The following TMTC4 variants were observed in gnomAD, a reference collection of about 807,000 sequenced individuals.
TMTC4 encodes the protein transmembrane O-mannosyltransferase targeting cadherins 4.
In TMTC4, 65 loss-of-function variants were observed where a neutral mutation model predicts 86.0. The ratio of observed to expected loss-of-function variants is 0.76; its 90% CI spans 0.62 to 0.93. The LOEUF is 0.93. Among genes scored for constraint, TMTC4 ranks in the 40% least tolerant of loss-of-function variants. The pLI is 0.00. For missense variants in TMTC4, 866 were observed against 948.1 expected (o/e 0.91, Z 1.14); for synonymous variants, 379 against 382.5 (o/e 0.99, Z 0.11).
At chr13:100,638,541 T>A (rs1378147829) in intron 7 of TMTC4, 2 of 152,276 alleles carry the variant, frequency 1.3e-5, no homozygotes, top group African/African-American at 4.8e-5. Flanking sequence ...GCTCTGGAGA[T>A]CTCTTGTGCA....
At chr13:100,619,466 G>A (rs1006633167) in intron 15 of TMTC4, among the ~76,000 whole-genome samples, 3 of 151,926 alleles carry the variant, frequency 2.0e-5, no homozygotes, top group Non-Finnish European at 4.4e-5. Flanking sequence ...CTTTAACTCT[G>A]CAAAAAGTAC....
intron 3 of TMTC4, among the ~76,000 whole-genome samples, chr13:100,666,374 C>T (rs1046075535): frequency 6.6e-6 from 1 of 152,138 alleles, no homozygotes; most frequent in African/African-American, 2.4e-5. Context: ...GGAGGGCTAG[C>T]AAGTTAACAA....
At chr13:100,661,149 A>G (rs1055203324) in intron 5 of TMTC4, among the ~76,000 whole-genome samples, 1 of 152,204 alleles carries the variant, frequency 6.6e-6, no homozygotes, top group African/African-American at 2.4e-5. Context: ...GGAAGAGAGA[A>G]AGAGGTTTTT....
At chr13:100,613,234 C>T (rs1877921324) in intron 16 of TMTC4, among the ~76,000 whole-genome samples, 1 of 152,126 alleles carries the variant, frequency 6.6e-6, no homozygotes, top group African/African-American at 2.4e-5. Context: ...TATCTTTATC[C>T]CCGCCCCCTT....
chr13:100,643,792 C>T (rs1257493851), intron 6 of TMTC4, among the ~76,000 whole-genome samples: 2 of 152,120 alleles, frequency 1.3e-5, no homozygotes, highest in African/African-American at 4.8e-5. Flanking sequence ...TCAGCCAAAC[C>T]TGGTCAGCTT....
At position 100,639,364 on chromosome 13, in the gene TMTC4, G is replaced by A. The variant is rs557040275; in HGVS notation, c.742-1342C>T. Among the ~76,000 whole-genome samples the A allele has an allele frequency of 4.6e-5, 7 of 152,326 alleles. No homozygotes were observed. The South Asian group carries it at 1.4e-3, about 32-fold the overall frequency. On this transcript the variant is annotated intron_variant, in intron 7 of 18. Coordinates refer to ENST00000342624, the MANE Select transcript of TMTC4 (RefSeq NM_032813.5). ...TGAGACATGATCTTAGTGGGTCACA[G>A]AAGACCGTTTCTGCCTGGTTGAAAA...
chr13:100,637,444 C>T (rs1478341791), intron 9 of TMTC4, 94 bp downstream of exon 9: 31 of 1,459,242 alleles, frequency 2.1e-5, no homozygotes, highest in South Asian at 5.5e-5. Context: ...ATTTTGTTGG[C>T]GTGCAGAGGA....
intron 15 of TMTC4, among the ~76,000 whole-genome samples, chr13:100,623,042 A>G (rs142270068): frequency 1.3e-5 from 2 of 152,306 alleles, no homozygotes; most frequent in African/African-American, 4.8e-5. Flanking sequence ...CATTCACATT[A>G]TGGTAAAAAC....
At chr13:100,621,504 C>T (rs950292817) in intron 15 of TMTC4, among the ~76,000 whole-genome samples, 1 of 152,198 alleles carries the variant, frequency 6.6e-6, no homozygotes, top group Non-Finnish European at 1.5e-5. Context: ...CGGTTCACTG[C>T]AAGCTCCGCC....
In TMTC4 at chr13:100,663,102, A is replaced by G; in HGVS notation, c.414T>C (p.Ser138=). Residue 138 remains serine (S), a synonymous_variant, in exon 5 of 19, where the codon TCT becomes TCC. Transcript: ENST00000342624. Reference sequence around the variant, plus strand: ...CCGAGAAGACGTCCACCATGAGGACAGAGATGCCACTGTGCAGGAGGATGT... The same window carrying G: ...CCGAGAAGACGTCCACCATGAGGACGGAGATGCCACTGTGCAGGAGGATGT... ...VVNILLHSGI[S]VLMVDVFSVL... 1 of 1,614,248 alleles carries G rather than the reference A, an allele frequency of 6.2e-7. No individual in the cohort carries two copies. Among genetic ancestry groups the G allele is most frequent in the Non-Finnish European group, 8.5e-7 (1 of 1,180,042 alleles).
intron 1 of TMTC4, chr13:100,673,977 G>A (rs1185367944): frequency 2.1e-6 from 2 of 969,056 alleles, no homozygotes; most frequent in Non-Finnish European, 2.5e-6. Flanking sequence ...ATAGTGGCTA[G>A]ATCGTTCCTC....
At chr13:100,674,256 A>C (rs973886642) in intron 1 of TMTC4, 8 of 977,658 alleles carry the variant, frequency 8.2e-6, no homozygotes, top group Non-Finnish European at 8.5e-6. Context: ...GCGGCGGGGG[A>C]GCCGCCGCGG....
intron 12 of TMTC4, among the ~76,000 whole-genome samples, chr13:100,628,757 A>T (rs1302239909): frequency 6.6e-6 from 1 of 152,216 alleles, no homozygotes; most frequent in Admixed American, 6.5e-5. Flanking sequence ...TAGTTTCTCA[A>T]CTAAACATGG....
At chr13:100,651,835 G>A (rs1283228) in intron 6 of TMTC4, among the ~76,000 whole-genome samples, 66,845 of 152,026 alleles carry the variant, frequency 0.44, 14,853 homozygotes, top group East Asian at 0.59. Context: ...CCAGGGTTAC[G>A]TTAAACCTGA....
chr13:100,630,317 T>G (rs1220631571), intron 12 of TMTC4, among the ~76,000 whole-genome samples: 1 of 152,062 alleles, frequency 6.6e-6, no homozygotes, highest in African/African-American at 2.4e-5. Context: ...TAAAAGCATA[T>G]AGATTTATGT....
intron 17 of TMTC4, among the ~76,000 whole-genome samples, chr13:100,606,825 C>A (rs1441322201): frequency 6.6e-6 from 1 of 152,152 alleles, no homozygotes; most frequent in Non-Finnish European, 1.5e-5. Flanking sequence ...GCAGTTGAGG[C>A]CCATTTCCTC....
At chr13:100,617,321 G>A (rs1878666826) in intron 15 of TMTC4, among the ~76,000 whole-genome samples, 1 of 152,052 alleles carries the variant, frequency 6.6e-6, no homozygotes, top group South Asian at 2.1e-4. Context: ...ATTTTTTGTA[G>A]AGATTAAGTT....
At chr13:100,656,630 C>A (rs1206088419) in intron 5 of TMTC4, among the ~76,000 whole-genome samples, 162 bp from the exon 6 acceptor site, 1 of 145,150 alleles carries the variant, frequency 6.9e-6, no homozygotes, top group Non-Finnish European at 1.5e-5. Context: ...GTAGCCTCAA[C>A]CCCCCTGGGC....
intron 12 of TMTC4, among the ~76,000 whole-genome samples, chr13:100,628,540 G>T (rs1398309277): frequency 6.6e-6 from 1 of 152,076 alleles, no homozygotes; most frequent in Non-Finnish European, 1.5e-5. Flanking sequence ...ACAGAATTCT[G>T]TTTTTAATTT....
Sources: allele counts gnomAD v4.1 joint callset (sites outside exome capture counted in the v4.1 genomes callset), GRCh38; gene constraint gnomAD v4.1.1; transcripts MANE v1.5; gene names NCBI Gene and HGNC (gene_info 2026-07-23, HGNC 2026-07-21).